The following TRIM68 variants were observed in gnomAD, a reference collection of about 807,000 sequenced individuals.
The protein encoded by TRIM68 is tripartite motif containing 68, also known as E3 ubiquitin-protein ligase TRIM68.
Under a neutral mutation model 41.9 loss-of-function variants are expected in TRIM68, and 36 were observed. The ratio of observed to expected loss-of-function variants is 0.86; its 90% CI spans 0.66 to 1.14. The LOEUF (loss-of-function observed/expected upper bound fraction) is 1.14. Ranked by LOEUF, TRIM68 falls within the 50% of genes most tolerant of loss-of-function variation. The pLI, the probability that TRIM68 is intolerant of heterozygous loss-of-function variation, is 0.00. For missense variants in TRIM68, 632 were observed against 605.1 expected (o/e 1.04, Z -0.47); for synonymous variants, 225 against 224.6 (o/e 1.00, Z -0.02).
At chr11:4,606,138 C>T (rs1228123593) in intron 1 of TRIM68, among the ~76,000 whole-genome samples, 3 of 152,252 alleles carry the variant, frequency 2.0e-5, no homozygotes, top group Non-Finnish European at 4.4e-5. Flanking sequence ...CCCCTGCCCA[C>T]TGCTCCAGCA....
In TRIM68 at chr11:4,604,992, C is replaced by A. The variant is rs1006703198; in HGVS notation, c.426+87G>T. The A allele has an allele frequency of 5.4e-5, 78 of 1,452,972 alleles. No individual in the cohort carries two copies. In the African/African-American group the frequency reaches 1.0e-3, roughly 19 times the overall value. 90.0% of individuals were successfully genotyped at this position (1,452,972 alleles called of 1,614,324 possible). A position where few individuals can be genotyped will look rare whatever the true frequency, so the allele number is the denominator to read the frequency against. ...GGAACCAAAGGAGTTAGCTCTCAGTCTGTGGTGCTGGTGGTCAAGCCCTTG... is the reference window on the plus strand; with the variant it reads ...GGAACCAAAGGAGTTAGCTCTCAGTATGTGGTGCTGGTGGTCAAGCCCTTG... On this transcript the variant is annotated intron_variant, in intron 2 of 6. Coordinates refer to ENST00000300747, the MANE Select transcript of TRIM68 (RefSeq NM_018073.8).
intron 1 of TRIM68, among the ~76,000 whole-genome samples, chr11:4,607,280 G>A (rs1158296167): frequency 1.3e-5 from 2 of 152,126 alleles, no homozygotes; most frequent in Non-Finnish European, 2.9e-5. Context: ...TGTCTGTTTT[G>A]TCCATTTCTA....
rs1374670562 is a variant in TRIM68 at position 4,602,361 on chromosome 11, G to A, written c.574C>T (p.Gln192Ter). The change falls in exon 4 of 7, where the codon CAG becomes TAG. Residue 192 changes from glutamine (Q) to a stop codon, truncating the protein, a stop_gained. Coordinates refer to ENST00000300747, the MANE Select transcript of TRIM68 (RefSeq NM_018073.8). LOFTEE classifies it high-confidence loss of function. ...QSIVWEFEKY[Q>*]RLLEKKQPPH... ...GGCTGCTTTTTCTCTAGTAATCGCT[G>A]GTATTTTTCAAACTCCCATACAATA... 6.2e-7 allele frequency: 1 copy of A among 1,614,044 alleles called. No homozygotes were observed. Among genetic ancestry groups the A allele is most frequent in the South Asian group, 1.1e-5 (1 of 91,060 alleles).
At position 4,600,114 on chromosome 11, in the gene TRIM68, ACAGACTT is replaced by A; in HGVS notation, c.*155_*161del. 1 of 694,402 alleles carries A rather than the reference ACAGACTT, an allele frequency of 1.4e-6. No homozygotes were observed. Among genetic ancestry groups the A allele is most frequent in the Non-Finnish European group, 2.3e-6 (1 of 436,476 alleles). The allele number at this position is 694,402 out of a possible 1,614,324, so 43.0% of individuals were successfully genotyped here. A position where few individuals can be genotyped will look rare whatever the true frequency, so the allele number is the denominator to read the frequency against. The stretch of plus-strand genomic sequence containing the variant: ...GCTTTTTAAAATAAGTGGTTTCATG[ACAGACTT>A]CAGCCTGGTAGCAAAGACCAAAGGA... On this transcript the variant is annotated 3_prime_UTR_variant, in exon 7 of 7. Coordinates refer to ENST00000300747, the MANE Select transcript of TRIM68 (RefSeq NM_018073.8).
chr11:4,603,208 G>T (rs761478396), intron 3 of TRIM68, 37 bp downstream of exon 3: 4 of 1,595,266 alleles, frequency 2.5e-6, no homozygotes, highest in African/African-American at 1.3e-5. Context: ...CACACAGGAC[G>T]ACTGACACAA....
At chr11:4,606,381 T>C (rs1052354642) in intron 1 of TRIM68, among the ~76,000 whole-genome samples, 1 of 152,236 alleles carries the variant, frequency 6.6e-6, no homozygotes, top group African/African-American at 2.4e-5. Context: ...GTTGGCAATA[T>C]TTATTCATTC....
At position 4,600,229 on chromosome 11, in the gene TRIM68, G is replaced by A; in HGVS notation, c.*47C>T. ...GTGGCTCGGTCCTCCAAGCCCCATG[G>A]GGGCCAGGCCCAATTCCAAGCCTCT... On this transcript the variant is annotated 3_prime_UTR_variant, in exon 7 of 7. Coordinates refer to ENST00000300747, the MANE Select transcript of TRIM68 (RefSeq NM_018073.8). The A allele has an allele frequency of 6.6e-7, 1 of 1,510,740 alleles. No homozygotes were observed. Among genetic ancestry groups the A allele is most frequent in the Non-Finnish European group, 8.8e-7 (1 of 1,130,108 alleles). 93.6% of individuals were successfully genotyped at this position (1,510,740 alleles called of 1,614,324 possible).
rs757408475 is a variant in TRIM68, at chr11:4,600,336, G to A, written c.1398C>T (p.Tyr466=). The part of the protein sequence containing the change: ...GRLLPYFSPC[Y]SIGTNNTAPL... ...GAGCAGTGTTGTTGGTTCCAATGCT[G>A]TAGCAAGGACTAAAATAGGGCAGGA... Residue 466 remains tyrosine (Y), a synonymous_variant, in exon 7 of 7, where the codon TAC becomes TAT. Transcript: ENST00000300747. 1.9e-6 allele frequency: 3 copies of A among 1,611,814 alleles called. No individual in the cohort carries two copies. Among genetic ancestry groups the A allele is most frequent in the Admixed American group, 1.7e-5 (1 of 59,882 alleles).
chr11:4,598,849 C>G lies in TRIM68; in HGVS notation c.*1427G>C, dbSNP rs1846434284. ...CAGCAGAGGCCCTGAGACAAAGGCACTGCTATAAGATGCAGACTGTATCAT... is the reference window on the plus strand; with the variant it reads ...CAGCAGAGGCCCTGAGACAAAGGCAGTGCTATAAGATGCAGACTGTATCAT... On this transcript the variant is annotated 3_prime_UTR_variant, in exon 7 of 7. Coordinates refer to ENST00000300747, the MANE Select transcript of TRIM68 (RefSeq NM_018073.8). 6.6e-6 allele frequency: 1 copy of G among 152,238 alleles called. No homozygotes were observed. Among genetic ancestry groups the G allele is most frequent in the Non-Finnish European group, 1.5e-5 (1 of 68,052 alleles). The allele number at this position is 152,238 out of a possible 1,614,324, so 9.4% of individuals were successfully genotyped here.
At chr11:4,606,009 T>G (rs1045316778) in intron 1 of TRIM68, among the ~76,000 whole-genome samples, 1 of 152,208 alleles carries the variant, frequency 6.6e-6, no homozygotes, top group Non-Finnish European at 1.5e-5. Flanking sequence ...TAATTCAAAG[T>G]GTCAAAAGGT....
chr11:4,601,380 C>G, intron 5 of TRIM68: 1 of 592,922 alleles, frequency 1.7e-6, no homozygotes, highest in Non-Finnish European at 3.0e-6. Flanking sequence ...CATTTTCTGT[C>G]GGACATGAAG....
chr11:4,600,977 G>A (rs1402906418), intron 6 of TRIM68, 50 bp downstream of exon 6: 1 of 1,592,522 alleles, frequency 6.3e-7, no homozygotes, highest in East Asian at 2.2e-5. Context: ...TTCTATCTCT[G>A]GGAGGGGTCC....
chr11:4,602,942 G>A (rs960268011), intron 3 of TRIM68, among the ~76,000 whole-genome samples: 2 of 152,250 alleles, frequency 1.3e-5, no homozygotes, highest in African/African-American at 4.8e-5. Context: ...GAGAAACTCT[G>A]CTTTACAAGC....
Position 4,600,593 on chromosome 11 carries a change from G to A in TRIM68, c.1141C>T (p.Arg381Trp), listed in dbSNP as rs760538270. ...GLGVCKQNVD[R>W]KEVVYLSPHY... ...GGGGATAAGTAGACCACCTCCTTCC[G>A]GTCTACATTTTGCTTACATACTCCC... is the stretch of plus-strand genomic sequence containing the variant. Residue 381 changes from arginine to tryptophan, a missense_variant, in exon 7 of 7, where the codon CGG (arginine) becomes TGG (tryptophan). Arg to Trp is a moderately radical substitution (Grantham distance 101). Transcript: ENST00000300747. 35 of 1,613,844 alleles carry A rather than the reference G, an allele frequency of 2.2e-5. No individual in the cohort carries two copies. Among genetic ancestry groups the A allele is most frequent in the East Asian group, 4.5e-5 (2 of 44,866 alleles).
Position 4,605,506 on chromosome 11 carries a change from G to C in TRIM68, c.-2C>G, listed in dbSNP as rs774226402. On this transcript the variant is annotated 5_prime_UTR_variant, in exon 2 of 7. Coordinates refer to ENST00000300747, the MANE Select transcript of TRIM68 (RefSeq NM_018073.8). ...TTCCACCAAGGCTGTGGGATCCATG[G>C]TTCCTTCTCACACCCTCCTCAGAAC... 2 of 1,600,898 alleles carry C rather than the reference G, an allele frequency of 1.2e-6. No homozygotes were observed. Among genetic ancestry groups the C allele is most frequent in the African/African-American group, 2.7e-5 (2 of 74,746 alleles).
chr11:4,603,473 AG>A (rs1846524128), intron 2 of TRIM68, 133 bp from the exon 3 acceptor site: 2 of 733,774 alleles, frequency 2.7e-6, no homozygotes, highest in Non-Finnish European at 4.5e-6. Flanking sequence ...AATGCCACAG[AG>A]GAAGCAGACT....
In TRIM68 at chr11:4,603,622, C is replaced by T. The variant is rs2231965; in HGVS notation, c.427-282G>A. ...AGTACCTTGGACTTTCCTTTCCATG[C>T]CAATTTTTATCCTTATCTTATTTAT... On this transcript the variant is annotated intron_variant, in intron 2 of 6. Transcript: ENST00000300747. Among the ~76,000 whole-genome samples the T allele has an allele frequency of 1.1e-3, 165 of 152,310 alleles. 4 individuals carry two copies. The East Asian group carries it at 0.023, about 21-fold the overall frequency.
rs372828032 is a variant in TRIM68, at chr11:4,601,143, G to T, written c.807-16C>A. On this transcript the variant is annotated splice_polypyrimidine_tract_variant and intron_variant, in intron 5 of 6. Coordinates refer to ENST00000300747, the MANE Select transcript of TRIM68 (RefSeq NM_018073.8). ...AGATTTGCTCCTGGTAGAGGAGGGTGAACCTCAGGGCCAGGAGTCCCGGCT... is the reference window on the plus strand; with the variant it reads ...AGATTTGCTCCTGGTAGAGGAGGGTTAACCTCAGGGCCAGGAGTCCCGGCT... 1.2e-6 allele frequency: 2 copies of T among 1,603,326 alleles called. No individual in the cohort carries two copies. Among genetic ancestry groups the T allele is most frequent in the Non-Finnish European group, 1.7e-6 (2 of 1,170,172 alleles).
rs752759657 is a variant in TRIM68 at position 4,601,076 on chromosome 11, C to T, written c.858G>A (p.Lys286=). 4 of 1,614,214 alleles carry T rather than the reference C, an allele frequency of 2.5e-6. No individual in the cohort carries two copies. Among genetic ancestry groups the T allele is most frequent in the Non-Finnish European group, 2.5e-6 (3 of 1,180,034 alleles). The change falls in exon 6 of 7, where the codon AAG becomes AAA. Residue 286 remains lysine, a synonymous_variant. Coordinates refer to ENST00000300747, the MANE Select transcript of TRIM68 (RefSeq NM_018073.8). ...TTAGCCCCAGCACACGGCAATCTGTCTTCAACTCCAGGGAGATTGGTTCTG... is the reference window on the plus strand; with the variant it reads ...TTAGCCCCAGCACACGGCAATCTGTTTTCAACTCCAGGGAGATTGGTTCTG... ...QQPEPISLEL[K]TDCRVLGLRE...
Sources: gnomAD v4.1 joint callset for allele counts (sites outside exome capture counted in the v4.1 genomes callset) on GRCh38, gnomAD v4.1.1 for gene constraint, MANE v1.5 for transcripts, NCBI Gene and HGNC (gene_info 2026-07-23, HGNC 2026-07-21) for gene names.